CSMD1: variants seen among roughly 807,000 people sequenced by gnomAD.
CSMD1 encodes the protein CUB and Sushi multiple domains 1.
In CSMD1, 213 loss-of-function variants were observed where a neutral mutation model predicts 417.5. That is an observed-to-expected ratio of 0.51 (90% confidence interval 0.46 to 0.57). The LOEUF (loss-of-function observed/expected upper bound fraction) is 0.57, where lower values mean the gene tolerates loss of function less well. Ranked by LOEUF, CSMD1 falls within the 20% of genes least tolerant of loss-of-function variation. The probability of loss-of-function intolerance (pLI) is 0.00; values close to 1 mark genes in which losing one functional copy is unlikely to be tolerated. For synonymous variants in CSMD1, 2,862 were observed against 1,736.8 expected (o/e 1.65, Z -16.11); for missense variants, 6,923 against 4,529.7 (o/e 1.53, Z -15.17).
chr8:3,485,229 G>A (rs973206581), intron 11 of CSMD1, among the ~76,000 whole-genome samples: 1 of 152,114 alleles, frequency 6.6e-6, no homozygotes, highest in Non-Finnish European at 1.5e-5. Context: ...AGCAAAAAAC[G>A]GGAGGAAACG....
At chr8:4,287,961 C>G (rs1020515593) in intron 3 of CSMD1, among the ~76,000 whole-genome samples, 12 of 151,880 alleles carry the variant, frequency 7.9e-5, no homozygotes, top group African/African-American at 1.2e-4. Context: ...ATAGCAAATC[C>G]CAAGACAATA....
chr8:3,083,174 T>C (rs1052564677), intron 49 of CSMD1, among the ~76,000 whole-genome samples: 2 of 152,130 alleles, frequency 1.3e-5, no homozygotes, highest in African/African-American at 4.8e-5. Flanking sequence ...CTTCCTTATA[T>C]ATTAACTCTC....
At chr8:3,116,463 GT>G (rs761058081) in intron 42 of CSMD1, among the ~76,000 whole-genome samples, 25 of 152,226 alleles carry the variant, frequency 1.6e-4, no homozygotes, top group Non-Finnish European at 3.1e-4. Context: ...AAGCATGATA[GT>G]TTTAGAGATG....
At chr8:4,364,223 GTTAA>G (rs1422699777) in intron 3 of CSMD1, among the ~76,000 whole-genome samples, 2 of 152,106 alleles carry the variant, frequency 1.3e-5, no homozygotes, top group Non-Finnish European at 2.9e-5. Context: ...AAAATAAGTA[GTTAA>G]TTAACATTAA....
intron 49 of CSMD1, among the ~76,000 whole-genome samples, chr8:3,057,942 A>C (rs1318393264): frequency 6.6e-6 from 1 of 151,770 alleles, no homozygotes; most frequent in East Asian, 1.9e-4. Flanking sequence ...ACCTTCCCCT[A>C]CTCTCCGTAA....
chr8:3,939,819 T>C (rs1016915584), intron 5 of CSMD1, among the ~76,000 whole-genome samples: 1 of 152,094 alleles, frequency 6.6e-6, no homozygotes, highest in African/African-American at 2.4e-5. Flanking sequence ...GTTATGAGGA[T>C]GCGAAGGCAT....
chr8:3,987,642 C>T (rs1273443785), intron 5 of CSMD1, among the ~76,000 whole-genome samples: 2 of 152,104 alleles, frequency 1.3e-5, no homozygotes, highest in African/African-American at 2.4e-5. Context: ...TAGGGCTTTG[C>T]TGATAAAGCA....
chr8:4,240,874 T>A (rs149229662), intron 3 of CSMD1, among the ~76,000 whole-genome samples: 1 of 152,372 alleles, frequency 6.6e-6, no homozygotes, highest in African/African-American at 2.4e-5. Context: ...TATTGAGTTA[T>A]GTATTCATTC....
intron 3 of CSMD1, among the ~76,000 whole-genome samples, chr8:4,035,337 T>A (rs1338584595): frequency 6.6e-6 from 1 of 152,230 alleles, no homozygotes; most frequent in East Asian, 1.9e-4. Context: ...GTCACTGGTT[T>A]TTCTACTTAC....
chr8:4,243,165 T>G (rs1218745884), intron 3 of CSMD1, among the ~76,000 whole-genome samples: 1 of 151,980 alleles, frequency 6.6e-6, no homozygotes, highest in Non-Finnish European at 1.5e-5. Context: ...GGAGAGTGCT[T>G]GCATGGAAGC....
intron 3 of CSMD1, among the ~76,000 whole-genome samples, chr8:4,042,030 C>T (rs1041962597): frequency 6.6e-6 from 1 of 152,002 alleles, no homozygotes; most frequent in East Asian, 1.9e-4. Context: ...AATCAATGAA[C>T]TTTGGGACAT....
chr8:2,963,867 AT>A (rs1803713535), intron 59 of CSMD1, among the ~76,000 whole-genome samples: 1 of 152,138 alleles, frequency 6.6e-6, no homozygotes, highest in African/African-American at 2.4e-5. Flanking sequence ...TACTGAATAT[AT>A]TTTTTTAGAA....
rs577923570 is a variant in CSMD1 at position 4,211,641 on chromosome 8, C to G, written c.416-179542G>C. 1.0e-3 allele frequency among the ~76,000 whole-genome samples: 158 copies of G among 152,290 alleles called. 6 individuals carry two copies. In the South Asian group the frequency reaches 0.013, roughly 12 times the overall value. The stretch of plus-strand genomic sequence containing the variant: ...TAAGAACAGTAAATATCCCATCGTA[C>G]TAAAATCTGTAAATATGGCAGTATC... On this transcript the variant is annotated intron_variant, in intron 3 of 69. Transcript: ENST00000635120.
intron 5 of CSMD1, among the ~76,000 whole-genome samples, chr8:3,812,515 T>G (rs556969894): frequency 7.2e-5 from 11 of 152,278 alleles, no homozygotes; most frequent in African/African-American, 2.4e-4. Context: ...GAAAAACAGT[T>G]TGTGGGGAAG....
intron 1 of CSMD1, among the ~76,000 whole-genome samples, chr8:4,924,462 C>T (rs1806715667): frequency 6.6e-6 from 1 of 152,092 alleles, no homozygotes; most frequent in Admixed American, 6.5e-5. Flanking sequence ...GTGGCTCACG[C>T]CTGTAATCTC....
intron 5 of CSMD1, among the ~76,000 whole-genome samples, chr8:3,783,527 G>C (rs1799293970): frequency 6.6e-6 from 1 of 152,176 alleles, no homozygotes; most frequent in African/African-American, 2.4e-5. Flanking sequence ...CTGTGCTGAG[G>C]GTGCTGCCCC....
At chr8:3,451,520 G>A (rs930386496) in intron 12 of CSMD1, among the ~76,000 whole-genome samples, 16 of 152,034 alleles carry the variant, frequency 1.1e-4, no homozygotes, top group Admixed American at 2.6e-4. Context: ...ATTCAGTTTC[G>A]TCTTTCTACA....
chr8:3,902,191 C>T (rs1807801181), intron 5 of CSMD1, among the ~76,000 whole-genome samples: 1 of 152,196 alleles, frequency 6.6e-6, no homozygotes, highest in South Asian at 2.1e-4. Flanking sequence ...GAGAATCTCA[C>T]TTCTGATACT....
chr8:3,152,224 T>G (rs2129036098), intron 39 of CSMD1, among the ~76,000 whole-genome samples: 1 of 152,336 alleles, frequency 6.6e-6, no homozygotes, highest in South Asian at 2.1e-4. Context: ...ACTCACATGT[T>G]TTGCTACTGT....
Sources: gnomAD v4.1 joint callset for allele counts (sites outside exome capture counted in the v4.1 genomes callset) on GRCh38, gnomAD v4.1.1 for gene constraint, MANE v1.5 for transcripts, NCBI Gene and HGNC (gene_info 2026-07-23, HGNC 2026-07-21) for gene names.